ELMO1: variants seen among roughly 807,000 people sequenced by gnomAD.
ELMO1 encodes the protein engulfment and cell motility protein 1.
Under a neutral mutation model 98.9 loss-of-function variants are expected in ELMO1, and 26 were observed. The ratio of observed to expected loss-of-function variants is 0.26; its 90% CI spans 0.19 to 0.36. ELMO1 has a LOEUF of 0.36. Among genes scored for constraint, ELMO1 ranks in the 10% least tolerant of loss-of-function variants. ELMO1 has a pLI of 1.00. For synonymous variants in ELMO1, 346 were observed against 346.0 expected (o/e 1.00, Z 0.00); for missense variants, 627 against 935.2 (o/e 0.67, Z 4.30).
At chr7:37,104,548 G>A (rs1261112378) in intron 14 of ELMO1, among the ~76,000 whole-genome samples, 4 of 152,168 alleles carry the variant, frequency 2.6e-5, no homozygotes, top group African/African-American at 9.7e-5. Context: ...TCACCAGCAT[G>A]CCCTTAAGTA....
intron 4 of ELMO1, among the ~76,000 whole-genome samples, chr7:37,278,372 A>C (rs1796965242): frequency 6.6e-6 from 1 of 152,078 alleles, no homozygotes; most frequent in Non-Finnish European, 1.5e-5. Flanking sequence ...AGCTGGGCAT[A>C]GTGGCTTATG....
At chr7:37,441,739 A>C (rs1249601152) in intron 1 of ELMO1, among the ~76,000 whole-genome samples, 2 of 152,244 alleles carry the variant, frequency 1.3e-5, no homozygotes, top group Non-Finnish European at 2.9e-5. Flanking sequence ...CACTAGTTAC[A>C]GTGTTTTTCA....
At chr7:37,428,005 A>G (rs1409879413) in intron 1 of ELMO1, among the ~76,000 whole-genome samples, 1 of 148,388 alleles carries the variant, frequency 6.7e-6, no homozygotes, top group Non-Finnish European at 1.5e-5. Flanking sequence ...TTATCTTTTT[A>G]TCTACATGAA....
chr7:37,401,699 C>A (rs1022745955), intron 1 of ELMO1, among the ~76,000 whole-genome samples: 3 of 152,194 alleles, frequency 2.0e-5, no homozygotes, highest in African/African-American at 7.2e-5. Context: ...AATACACTCA[C>A]TATCACGAGA....
chr7:37,176,615 A>C (rs1790510220), intron 13 of ELMO1, among the ~76,000 whole-genome samples: 1 of 152,248 alleles, frequency 6.6e-6, no homozygotes, highest in Admixed American at 6.5e-5. Context: ...AATATGAAAA[A>C]GTGCTTGTGA....
chr7:37,350,623 A>G lies in ELMO1; in HGVS notation c.-73-7860T>C, dbSNP rs892536120. ...TTCCTTCAAATCCTTAAATCCTCTC[A>G]GGTTGATAGAGGCCTCTTTAGTATG... On this transcript the variant is annotated intron_variant, in intron 1 of 21. Coordinates refer to ENST00000310758, the MANE Select transcript of ELMO1 (RefSeq NM_014800.11). Among the ~76,000 whole-genome samples, 3 of 152,190 alleles carry G rather than the reference A, an allele frequency of 2.0e-5. No individual in the cohort carries two copies. The East Asian group carries it at 5.8e-4, about 29-fold the overall frequency.
chr7:37,116,321 A>G (rs1256562975), intron 14 of ELMO1, among the ~76,000 whole-genome samples: 3 of 152,212 alleles, frequency 2.0e-5, no homozygotes, highest in Non-Finnish European at 4.4e-5. Flanking sequence ...AGAAAGAAAG[A>G]GGGCTTGTCA....
chr7:37,368,701 C>T (rs904586822), intron 1 of ELMO1, among the ~76,000 whole-genome samples: 3 of 152,202 alleles, frequency 2.0e-5, no homozygotes, highest in African/African-American at 7.2e-5. Context: ...ACCTGGGAGG[C>T]TTTATCTGCA....
At chr7:36,914,729 G>A (rs1031898768) in intron 16 of ELMO1, among the ~76,000 whole-genome samples, 1 of 152,148 alleles carries the variant, frequency 6.6e-6, no homozygotes, top group East Asian at 1.9e-4. Context: ...GGCCAGGATG[G>A]TCTCGATCTT....
intron 10 of ELMO1, among the ~76,000 whole-genome samples, chr7:37,222,187 G>A (rs1348748118): frequency 2.0e-5 from 3 of 152,144 alleles, no homozygotes; most frequent in African/African-American, 7.2e-5. Flanking sequence ...GGAAAAACAT[G>A]GCACCCCTCA....
intron 16 of ELMO1, among the ~76,000 whole-genome samples, chr7:36,917,925 T>C (rs774185118): frequency 6.6e-5 from 10 of 152,228 alleles, no homozygotes; most frequent in Non-Finnish European, 1.2e-4. Flanking sequence ...AACATAGATA[T>C]ATCTGAAAAC....
chr7:36,972,823 CTGGA>C (rs1432034174), intron 16 of ELMO1, among the ~76,000 whole-genome samples: 2 of 152,158 alleles, frequency 1.3e-5, no homozygotes, highest in Admixed American at 1.3e-4. Context: ...GTTGCCTAGG[CTGGA>C]TGGAGTACAA....
intron 15 of ELMO1, chr7:37,033,243 A>G (rs2129187401): frequency 2.6e-6 from 1 of 380,804 alleles, no homozygotes; most frequent in Middle Eastern, 3.8e-4. Context: ...GGAGGAGCGC[A>G]GACGGGCTAA....
intron 16 of ELMO1, among the ~76,000 whole-genome samples, chr7:36,909,636 A>G (rs1054269654): frequency 1.3e-5 from 2 of 152,248 alleles, no homozygotes; most frequent in African/African-American, 4.8e-5. Flanking sequence ...ACAAAGACTG[A>G]TTAAATGCTG....
At chr7:36,899,741 A>G (rs1265391170) in intron 16 of ELMO1, among the ~76,000 whole-genome samples, 1 of 133,570 alleles carries the variant, frequency 7.5e-6, no homozygotes, top group Non-Finnish European at 1.5e-5. Flanking sequence ...TAGAATTCAA[A>G]AAGTTTTAAA....
chr7:37,144,311 G>A (rs1470749602), intron 13 of ELMO1, among the ~76,000 whole-genome samples: 1 of 151,592 alleles, frequency 6.6e-6, no homozygotes, highest in East Asian at 1.9e-4. Flanking sequence ...GGTTTTAATA[G>A]CCAGTGAAAT....
intron 6 of ELMO1, among the ~76,000 whole-genome samples, chr7:37,245,879 C>T (rs189165586): frequency 1.6e-3 from 239 of 152,270 alleles, no homozygotes; most frequent in African/African-American, 5.5e-3. Context: ...ATCAGGGACA[C>T]GCTGAGCATC....
intron 4 of ELMO1, among the ~76,000 whole-genome samples, chr7:37,305,322 T>C (rs1240882058): frequency 6.6e-6 from 1 of 152,254 alleles, no homozygotes; most frequent in African/African-American, 2.4e-5. Flanking sequence ...TGAAACTGTA[T>C]TACTGTTTGA....
chr7:36,881,425 TA>T (rs1562793041), intron 18 of ELMO1, among the ~76,000 whole-genome samples: 1 of 152,208 alleles, frequency 6.6e-6, no homozygotes, highest in African/African-American at 2.4e-5. Context: ...AGCATGATGT[TA>T]CTTGTTCCTT....
Sources: gnomAD v4.1 joint callset for allele counts (sites outside exome capture counted in the v4.1 genomes callset) on GRCh38, gnomAD v4.1.1 for gene constraint, MANE v1.5 for transcripts, NCBI Gene and HGNC (gene_info 2026-07-23, HGNC 2026-07-21) for gene names.